ATP8B4: variants seen among roughly 807,000 people sequenced by gnomAD.
The protein encoded by ATP8B4 is probable phospholipid-transporting ATPase IM.
In ATP8B4, 133 loss-of-function variants were observed where a neutral mutation model predicts 145.6. That is an observed-to-expected ratio of 0.91 (90% confidence interval 0.79 to 1.05). The LOEUF is 1.05. ATP8B4 is among the 50% of genes least tolerant of loss of function. The probability of loss-of-function intolerance (pLI) is 0.00; values close to 1 mark genes in which losing one functional copy is unlikely to be tolerated. For missense variants in ATP8B4, 1,458 were observed against 1,425.2 expected (o/e 1.02, Z -0.37); for synonymous variants, 507 against 492.9 (o/e 1.03, Z -0.38).
rs190161195 is a variant in ATP8B4, at chr15:50,146,541, T to C, written c.-43+35720A>G. On this transcript the variant is annotated intron_variant, in intron 1 of 3. Transcript: ENST00000558829. ...TTGAACTTTACCTGGTAAGGTAAGTTTGTCTTTGGTAGTGGTATTGATGTA... is the reference window on the plus strand; with the variant it reads ...TTGAACTTTACCTGGTAAGGTAAGTCTGTCTTTGGTAGTGGTATTGATGTA... Among the ~76,000 whole-genome samples, 261 of 152,334 alleles carry C rather than the reference T, an allele frequency of 1.7e-3. 3 individuals are homozygous for C. In the East Asian group the frequency reaches 0.019, roughly 11 times the overall value.
chr15:50,037,193 C>T (rs547777301), intron 6 of ATP8B4, among the ~76,000 whole-genome samples: 4 of 152,274 alleles, frequency 2.6e-5, no homozygotes, highest in Admixed American at 1.3e-4. Flanking sequence ...AAATTCACTA[C>T]GTAAGTGTAT....
At chr15:50,155,657 C>T (rs1038401408) in intron 1 of ATP8B4, among the ~76,000 whole-genome samples, 1 of 152,086 alleles carries the variant, frequency 6.6e-6, no homozygotes, top group African/African-American at 2.4e-5. Context: ...AACTATGTCA[C>T]GTTTTACCAT....
chr15:50,172,334 G>C (rs2044688384), intron 1 of ATP8B4, among the ~76,000 whole-genome samples: 1 of 152,252 alleles, frequency 6.6e-6, no homozygotes, highest in African/African-American at 2.4e-5. Context: ...GGTGGAGACG[G>C]GGTTTCCCCC....
intron 27 of ATP8B4, among the ~76,000 whole-genome samples, 199 bp from the exon 28 acceptor site, chr15:49,860,674 G>GAGAC (rs1310989582): frequency 6.6e-6 from 1 of 151,988 alleles, no homozygotes; most frequent in African/African-American, 2.4e-5. Flanking sequence ...TATCTCTATC[G>GAGAC]AGACACTATT....
intron 23 of ATP8B4, among the ~76,000 whole-genome samples, chr15:49,883,821 G>A (rs1190602790): frequency 6.6e-6 from 1 of 151,716 alleles, no homozygotes. Flanking sequence ...GGAAAAAAAG[G>A]TTTTCCAAGT....
At chr15:50,168,113 T>C (rs2044619997) in intron 1 of ATP8B4, among the ~76,000 whole-genome samples, 1 of 151,928 alleles carries the variant, frequency 6.6e-6, no homozygotes, top group South Asian at 2.1e-4. Flanking sequence ...AGAAAAGATA[T>C]TACAAGAGAA....
At chr15:50,035,976 C>A (rs1400025981) in intron 6 of ATP8B4, among the ~76,000 whole-genome samples, 3 of 152,188 alleles carry the variant, frequency 2.0e-5, no homozygotes, top group African/African-American at 7.2e-5. Context: ...CCTGGACTCC[C>A]AGAGCCCAGA....
chr15:49,960,870 C>T (rs12903572), intron 14 of ATP8B4, among the ~76,000 whole-genome samples: 57,801 of 152,042 alleles, frequency 0.38, 12,036 homozygotes, highest in Non-Finnish European at 0.45. Flanking sequence ...CAGTGGCTCA[C>T]GCCTGTAATC....
intron 3 of ATP8B4, among the ~76,000 whole-genome samples, chr15:50,058,769 G>C (rs1012033052): frequency 6.6e-6 from 1 of 151,970 alleles, no homozygotes; most frequent in Non-Finnish European, 1.5e-5. Flanking sequence ...AGCCTTTCCT[G>C]GTCTCCAGCC....
intron 1 of ATP8B4, among the ~76,000 whole-genome samples, chr15:50,180,919 GA>G (rs1180762047): frequency 6.6e-6 from 1 of 150,400 alleles, no homozygotes; most frequent in Non-Finnish European, 1.5e-5. Flanking sequence ...TACACACACC[GA>G]AAAAAAAAGA....
chr15:50,044,518 T>C, intron 5 of ATP8B4, 76 bp downstream of exon 5: 2 of 1,026,402 alleles, frequency 1.9e-6, no homozygotes, highest in Middle Eastern at 2.1e-4. Context: ...AAATTTCAAA[T>C]GTATCTTCAT....
intron 3 of ATP8B4, among the ~76,000 whole-genome samples, chr15:50,056,290 AG>A (rs1414354447): frequency 6.6e-6 from 1 of 152,236 alleles, no homozygotes; most frequent in Non-Finnish European, 1.5e-5. Context: ...CCAGGGCTAC[AG>A]ACATGAGTAA....
At chr15:50,181,653 T>C (rs1281664352) in intron 1 of ATP8B4, among the ~76,000 whole-genome samples, 1 of 152,234 alleles carries the variant, frequency 6.6e-6, no homozygotes, top group African/African-American at 2.4e-5. Context: ...TGGGATGAGC[T>C]GGACGTGACT....
chr15:49,962,004 G>A lies in ATP8B4; in HGVS notation c.1260C>T (p.Asp420=). The A allele has an allele frequency of 6.3e-7, 1 of 1,592,456 alleles. No individual in the cohort carries two copies. The highest frequency in any genetic ancestry group is 1.2e-5 in the South Asian group (1 of 86,920). The change falls in exon 14 of 28, where the codon GAC becomes GAT. Residue 420 remains aspartate, a synonymous_variant. Transcript: ENST00000284509. ...NGRIYGEVHD[D]LDQKTEITQE... ...GAGTTATTTCTGTCTTCTGATCCAG[G>A]TCATCATGTACTTCACCTGACAAAA...
chr15:49,967,641 C>T (rs763207057), intron 13 of ATP8B4, among the ~76,000 whole-genome samples: 23 of 152,184 alleles, frequency 1.5e-4, no homozygotes, highest in Non-Finnish European at 2.1e-4. Flanking sequence ...ACCAAACCTA[C>T]GTTTCATTGG....
intron 2 of ATP8B4, among the ~76,000 whole-genome samples, chr15:50,095,144 C>T (rs2055886623): frequency 1.3e-5 from 2 of 151,968 alleles, no homozygotes; most frequent in Non-Finnish European, 2.9e-5. Context: ...GTTGCAGGGT[C>T]AAAAATGAGA....
intron 16 of ATP8B4, among the ~76,000 whole-genome samples, chr15:49,925,054 C>A (rs925293601): frequency 1.3e-5 from 2 of 151,876 alleles, no homozygotes; most frequent in Non-Finnish European, 2.9e-5. Context: ...GGTCTCAGGA[C>A]CTTCTTTATA....
intron 10 of ATP8B4, among the ~76,000 whole-genome samples, chr15:49,983,701 A>C (rs1173939132): frequency 6.6e-6 from 1 of 152,218 alleles, no homozygotes; most frequent in Non-Finnish European, 1.5e-5. Context: ...AAAACTTACA[A>C]TGGCGTCCCT....
chr15:50,180,899 T>C (rs535214847), intron 1 of ATP8B4, among the ~76,000 whole-genome samples: 33 of 152,312 alleles, frequency 2.2e-4, no homozygotes, highest in African/African-American at 7.9e-4. Context: ...TGAAACATTT[T>C]TGTGTGTTTT....
Sources: gnomAD v4.1 joint callset for allele counts (sites outside exome capture counted in the v4.1 genomes callset) on GRCh38, gnomAD v4.1.1 for gene constraint, MANE v1.5 for transcripts, NCBI Gene and HGNC (gene_info 2026-07-23, HGNC 2026-07-21) for gene names.